The following TPCN2 variants were observed in gnomAD, a reference collection of about 807,000 sequenced individuals.
TPCN2 encodes the protein two pore channel protein 2.
A neutral mutation model predicts 111.4 loss-of-function variants in TPCN2; 92 were observed. That is an observed-to-expected ratio of 0.83 (90% CI 0.70 to 0.98). The LOEUF (loss-of-function observed/expected upper bound fraction) is 0.98, where lower values mean the gene tolerates loss of function less well. Among genes scored for constraint, TPCN2 ranks in the 50% least tolerant of loss-of-function variants. TPCN2 has a pLI of 0.00. For synonymous variants in TPCN2, 405 were observed against 414.5 expected (o/e 0.98, Z 0.28); for missense variants, 995 against 980.1 (o/e 1.02, Z -0.20).
chr11:69,069,270 G>C (rs1371151093), intron 8 of TPCN2, among the ~76,000 whole-genome samples: 159 of 81,460 alleles, frequency 2.0e-3, no homozygotes, highest in African/African-American at 7.2e-3. Flanking sequence ...CCTAGGAAGT[G>C]ACCGCACTGG....
intron 13 of TPCN2, among the ~76,000 whole-genome samples, chr11:69,075,789 G>T (rs779524627): frequency 6.6e-6 from 1 of 152,216 alleles, no homozygotes; most frequent in African/African-American, 2.4e-5. Context: ...CCTGCCTGCT[G>T]CTGAAAGAAG....
intron 1 of TPCN2, among the ~76,000 whole-genome samples, chr11:69,051,653 T>C (rs1229287897): frequency 2.0e-5 from 3 of 152,200 alleles, no homozygotes; most frequent in African/African-American, 7.2e-5. Flanking sequence ...CTGTCCTCTG[T>C]GCCTTGCAGA....
intron 2 of TPCN2, 48 bp from the exon 3 acceptor site, chr11:69,054,673 C>A: frequency 6.3e-7 from 1 of 1,576,882 alleles, no homozygotes. Flanking sequence ...GGTCACGGCC[C>A]ACCCTGCATG....
intron 18 of TPCN2, among the ~76,000 whole-genome samples, chr11:69,082,477 A>T (rs1409592040): frequency 4.6e-5 from 7 of 152,420 alleles, no homozygotes; most frequent in African/African-American, 1.7e-4. Context: ...GCAAATATCC[A>T]TGTGAACTCA....
chr11:69,071,858 G>T (rs1221259832), intron 10 of TPCN2, 65 bp from the exon 11 acceptor site: 1 of 1,475,084 alleles, frequency 6.8e-7, no homozygotes, highest in African/African-American at 1.4e-5. Context: ...CCAGGGGAGG[G>T]AAGGGTCGGG....
intron 18 of TPCN2, 86 bp from the exon 19 acceptor site, chr11:69,083,859 C>G: frequency 3.8e-6 from 5 of 1,317,936 alleles, no homozygotes; most frequent in Non-Finnish European, 5.5e-6. Context: ...TCTTGCCTTT[C>G]TGTCAGGGTC....
rs927126188 is a variant in TPCN2 at position 69,084,597 on chromosome 11, C to G, written c.1761+581C>G. 17 of 985,284 alleles carry G rather than the reference C, an allele frequency of 1.7e-5. No individual in the cohort carries two copies. In the Admixed American group the frequency reaches 7.4e-4, roughly 43 times the overall value. The allele number at this position is 985,284 out of a possible 1,614,324, so 61.0% of individuals were successfully genotyped here. The stretch of plus-strand genomic sequence containing the variant: ...AGGCAGGCCCCAGATCCGCGCCGTG[C>G]AGAGTGACAGGAGGCGCCCTTTGCA... On this transcript the variant is annotated intron_variant, in intron 19 of 24. Coordinates refer to ENST00000294309, the MANE Select transcript of TPCN2 (RefSeq NM_139075.4).
At position 69,057,747 on chromosome 11, in the gene TPCN2, G is replaced by T; in HGVS notation, c.546+53G>T. The T allele has an allele frequency of 4.5e-6, 7 of 1,546,348 alleles. No homozygotes were observed. In the South Asian group the frequency reaches 6.7e-5, roughly 15 times the overall value. ...ATGGAGAGATCTGGGGCTGGTGTGG[G>T]TGCAAGGCCCACGGGGGTGCTGGGA... is the stretch of plus-strand genomic sequence containing the variant. On this transcript the variant is annotated intron_variant, in intron 5 of 24. Coordinates refer to ENST00000294309, the MANE Select transcript of TPCN2 (RefSeq NM_139075.4).
chr11:69,049,785 T>A (rs1454864220), intron 1 of TPCN2, among the ~76,000 whole-genome samples: 1 of 152,170 alleles, frequency 6.6e-6, no homozygotes, highest in Non-Finnish European at 1.5e-5. Flanking sequence ...GTCTGAAGAT[T>A]GCTGAATCCG....
At chr11:69,081,642 GC>G in intron 18 of TPCN2, 143 bp downstream of exon 18, 1 of 576,298 alleles carries the variant, frequency 1.7e-6, no homozygotes, top group Non-Finnish European at 3.1e-6. Context: ...TCAGCTCTCT[GC>G]CGTGCTCTTG....
intron 6 of TPCN2, among the ~76,000 whole-genome samples, chr11:69,063,260 G>T (rs142642650): frequency 1.3e-5 from 2 of 151,870 alleles, no homozygotes; most frequent in African/African-American, 4.8e-5. Flanking sequence ...AGTCCCATGG[G>T]CACTCTCTCC....
rs1856139595 is a variant in TPCN2, at chr11:69,083,632, G to T, written c.1690-313G>T. Among the ~76,000 whole-genome samples, 4 of 152,330 alleles carry T rather than the reference G, an allele frequency of 2.6e-5. 1 individual carries two copies. Among genetic ancestry groups the T allele is most frequent in the Middle Eastern group, 6.8e-3 (2 of 294 alleles). The stretch of plus-strand genomic sequence containing the variant: ...GAAGTCCGTGCTTGAATGAGGCTGG[G>T]GTGGAGGTGTTGGGATGCGGGAGTG... On this transcript the variant is annotated intron_variant, in intron 18 of 24. Coordinates refer to ENST00000294309, the MANE Select transcript of TPCN2 (RefSeq NM_139075.4).
At position 69,072,749 on chromosome 11, in the gene TPCN2, G is replaced by A. The variant is rs201743920; in HGVS notation, c.1143+41G>A. 25 of 1,610,588 alleles carry A rather than the reference G, an allele frequency of 1.6e-5. No individual in the cohort carries two copies. In the East Asian group the frequency reaches 2.2e-4, roughly 14 times the overall value. On this transcript the variant is annotated intron_variant, in intron 12 of 24. Transcript: ENST00000294309. ...TCCCAGCCTCCTCTGGGCTCCTCCC[G>A]GGAGGTCACTTGGGCCAGCAGCCCC... is the stretch of plus-strand genomic sequence containing the variant.
intron 5 of TPCN2, among the ~76,000 whole-genome samples, chr11:69,059,807 T>C (rs1383438452): frequency 6.6e-6 from 1 of 152,166 alleles, no homozygotes; most frequent in Non-Finnish European, 1.5e-5. Flanking sequence ...TGAGCGATGG[T>C]TGTGGGCAAG....
In TPCN2 at chr11:69,079,017, G is replaced by C. The variant is rs891036362; in HGVS notation, c.1536G>C (p.Leu512=). The change falls in exon 16 of 25, where the codon CTG becomes CTC. Residue 512 remains leucine, a synonymous_variant. Transcript: ENST00000294309. ...NVFDGLLTVV[L]LVLEISTLAV... is the part of the protein sequence containing the mutation. ...TTGACGGGCTCCTCACCGTTGTCCT[G>C]CTGGTAAAGTAGGCGCATCCGAGGC... 1 of 1,609,758 alleles carries C rather than the reference G, an allele frequency of 6.2e-7. No homozygotes were observed. The highest frequency in any genetic ancestry group is 1.3e-5 in the African/African-American group (1 of 74,980).
At chr11:69,084,694 G>A in intron 19 of TPCN2, 1 of 985,450 alleles carries the variant, frequency 1.0e-6, no homozygotes, top group Non-Finnish European at 1.2e-6. Flanking sequence ...CCACTGGGGT[G>A]AGAAGGTGTC....
Position 69,083,894 on chromosome 11 carries a change from C to T in TPCN2, c.1690-51C>T, listed in dbSNP as rs917909948. Reference sequence around the variant, plus strand: ...CAGCGTGGTGGGCCGGGATGGTGTCCCCTCAGTGGGGCCAGGAGGAGTAAG... The same window carrying T: ...CAGCGTGGTGGGCCGGGATGGTGTCTCCTCAGTGGGGCCAGGAGGAGTAAG... On this transcript the variant is annotated intron_variant, in intron 18 of 24. Coordinates refer to ENST00000294309, the MANE Select transcript of TPCN2 (RefSeq NM_139075.4). 3.8e-6 allele frequency: 6 copies of T among 1,564,546 alleles called. No individual in the cohort carries two copies. The African/African-American group carries it at 5.4e-5, about 14-fold the overall frequency.
Position 69,054,811 on chromosome 11 carries a change from C to A in TPCN2, c.251+14C>A. 6.2e-7 allele frequency: 1 copy of A among 1,611,882 alleles called. No homozygotes were observed. Among genetic ancestry groups the A allele is most frequent in the South Asian group, 1.1e-5 (1 of 90,868 alleles). On this transcript the variant is annotated intron_variant, in intron 3 of 24. Coordinates refer to ENST00000294309, the MANE Select transcript of TPCN2 (RefSeq NM_139075.4). ...CGTATGCCAACGGTGAGAACGCACC[C>A]ATGTGGAACTCAGGGTTCCTGCCGG... is the stretch of plus-strand genomic sequence containing the variant.
chr11:69,071,811 C>T (rs1025429965), intron 10 of TPCN2, 112 bp from the exon 11 acceptor site: 3 of 979,146 alleles, frequency 3.1e-6, no homozygotes, highest in East Asian at 2.4e-5. Context: ...ACTGGGCCCC[C>T]CCCCAAGGCT....
Sources: gnomAD v4.1 joint callset for allele counts (sites outside exome capture counted in the v4.1 genomes callset) on GRCh38, gnomAD v4.1.1 for gene constraint, MANE v1.5 for transcripts, NCBI Gene and HGNC (gene_info 2026-07-23, HGNC 2026-07-21) for gene names.